Variants in ZNF407 observed in about 807,000 individuals in gnomAD.
The protein encoded by ZNF407 is zinc finger protein 407.
Under a neutral mutation model 131.2 loss-of-function variants are expected in ZNF407, and 17 were observed. The observed-to-expected ratio is 0.13, with a 90% confidence interval of 0.09 to 0.19. ZNF407 has a LOEUF of 0.19. Among genes scored for constraint, ZNF407 ranks in the 10% least tolerant of loss-of-function variants. The pLI is 1.00. For synonymous variants in ZNF407, 1,156 were observed against 1,062.0 expected, an observed-to-expected ratio of 1.09 and a Z score of -1.72; for missense variants, 2,681 against 2,830.6, an observed-to-expected ratio of 0.95 and a Z score of 1.20.
chr18:74,843,549 C>G (rs1483438562), intron 4 of ZNF407, among the ~76,000 whole-genome samples: 9 of 152,150 alleles, frequency 5.9e-5, no homozygotes, highest in Non-Finnish European at 1.2e-4. Flanking sequence ...AAAGAATTCT[C>G]TTACCTATAT....
chr18:74,696,572 TTTTCTTAGAGGTTCTG>T (rs1395512750), intron 3 of ZNF407, among the ~76,000 whole-genome samples: 1 of 152,216 alleles, frequency 6.6e-6, no homozygotes, highest in African/African-American at 2.4e-5. Flanking sequence ...TCCACGGAAC[TTTTCTTAGAGGTTCTG>T]TTTCCCAACA....
chr18:74,825,793 CTGTT>C (rs758122626), intron 4 of ZNF407, among the ~76,000 whole-genome samples: 8 of 152,120 alleles, frequency 5.3e-5, no homozygotes, highest in Non-Finnish European at 1.2e-4. Context: ...AATTTTCTGT[CTGTT>C]TGTTATATTA....
At chr18:74,655,562 C>T (rs531318224) in intron 3 of ZNF407, among the ~76,000 whole-genome samples, 1 of 152,146 alleles carries the variant, frequency 6.6e-6, no homozygotes, top group East Asian at 1.9e-4. Flanking sequence ...TGTATGATGT[C>T]TGAGTAAATG....
intron 7 of ZNF407, among the ~76,000 whole-genome samples, chr18:74,906,326 T>G (rs550537940): frequency 9.2e-5 from 14 of 152,340 alleles, no homozygotes; most frequent in Non-Finnish European, 1.8e-4. Flanking sequence ...CATTTAAACC[T>G]TTTGCTAAAT....
chr18:74,890,696 A>G (rs1157445043), intron 7 of ZNF407, among the ~76,000 whole-genome samples: 1 of 152,166 alleles, frequency 6.6e-6, no homozygotes, highest in African/African-American at 2.4e-5. Flanking sequence ...CTTTAAGGAT[A>G]TAGCATAAAA....
intron 3 of ZNF407, among the ~76,000 whole-genome samples, chr18:74,665,910 T>A (rs1985911920): frequency 6.6e-6 from 1 of 152,172 alleles, no homozygotes; most frequent in African/African-American, 2.4e-5. Flanking sequence ...GTATTTAGTT[T>A]TGAGAATCTG....
intron 3 of ZNF407, among the ~76,000 whole-genome samples, chr18:74,666,835 T>C (rs1249722475): frequency 6.6e-6 from 1 of 152,158 alleles, no homozygotes; most frequent in African/African-American, 2.4e-5. Context: ...ACTGGCTTCA[T>C]AAAGATGCTA....
At chr18:74,959,574 C>T (rs1232916563) in intron 8 of ZNF407, among the ~76,000 whole-genome samples, 1 of 152,008 alleles carries the variant, frequency 6.6e-6, no homozygotes, top group Non-Finnish European at 1.5e-5. Context: ...TTTTCTATGC[C>T]CACTTAGAGA....
At chr18:74,753,417 G>A (rs1311785887) in intron 3 of ZNF407, among the ~76,000 whole-genome samples, 1 of 152,136 alleles carries the variant, frequency 6.6e-6, no homozygotes, top group Non-Finnish European at 1.5e-5. Context: ...GTGAGAGAGG[G>A]CATCCTTGTC....
chr18:75,060,696 G>A (rs1358358166), intron 8 of ZNF407, among the ~76,000 whole-genome samples: 1 of 150,796 alleles, frequency 6.6e-6, no homozygotes, highest in Non-Finnish European at 1.5e-5. Flanking sequence ...TAGTAGAGAC[G>A]GGGTTTCACC....
intron 4 of ZNF407, among the ~76,000 whole-genome samples, chr18:74,854,822 G>T (rs1970836760): frequency 6.6e-6 from 1 of 151,776 alleles, no homozygotes; most frequent in Admixed American, 6.6e-5. Flanking sequence ...TGCCTTTGAA[G>T]TGTTCTGCGG....
At chr18:74,955,475 G>T (rs1318270478) in intron 8 of ZNF407, among the ~76,000 whole-genome samples, 1 of 152,144 alleles carries the variant, frequency 6.6e-6, no homozygotes, top group Non-Finnish European at 1.5e-5. Context: ...GAAAATAGCT[G>T]ATATATGGAG....
chr18:74,964,780 T>A (rs1972391635), intron 8 of ZNF407, among the ~76,000 whole-genome samples: 1 of 152,214 alleles, frequency 6.6e-6, no homozygotes, highest in African/African-American at 2.4e-5. Flanking sequence ...GGATTCATTT[T>A]TGTAACCAAG....
chr18:74,930,387 T>A lies in ZNF407; in HGVS notation c.5428+9695T>A, dbSNP rs546162474. 2.0e-3 allele frequency among the ~76,000 whole-genome samples: 306 copies of A among 152,312 alleles called. 1 individual carries two copies. Among genetic ancestry groups the A allele is most frequent in the Non-Finnish European group, 3.5e-3 (235 of 68,036 alleles). ...TCAGAATCCTCCAGTGGCAGCTTCCTGGTTTTACCTTTTTAATCAGTACAC... is the reference window on the plus strand; with the variant it reads ...TCAGAATCCTCCAGTGGCAGCTTCCAGGTTTTACCTTTTTAATCAGTACAC... On this transcript the variant is annotated intron_variant, in intron 8 of 8. Transcript: ENST00000299687.
At chr18:74,677,611 G>A (rs538197425) in intron 3 of ZNF407, among the ~76,000 whole-genome samples, 35 of 151,988 alleles carry the variant, frequency 2.3e-4, no homozygotes, top group African/African-American at 7.0e-4. Context: ...CATAGTTGTC[G>A]CAGAGACCTA....
chr18:74,729,185 G>A (rs1968232445), intron 3 of ZNF407, among the ~76,000 whole-genome samples: 1 of 152,192 alleles, frequency 6.6e-6, no homozygotes, highest in East Asian at 1.9e-4. Flanking sequence ...ATGAGGGGCA[G>A]GTAGTACTAT....
At chr18:74,674,063 T>C in intron 3 of ZNF407, among the ~76,000 whole-genome samples, 1 of 152,354 alleles carries the variant, frequency 6.6e-6, no homozygotes, top group South Asian at 2.1e-4. Flanking sequence ...ATTTTACGAT[T>C]ATTTTAAGTT....
intron 7 of ZNF407, among the ~76,000 whole-genome samples, chr18:74,908,550 C>CA (rs1286046158): frequency 6.6e-6 from 1 of 152,140 alleles, no homozygotes; most frequent in Non-Finnish European, 1.5e-5. Context: ...CTCCAAATGA[C>CA]ATGCATCTAT....
Position 74,961,084 on chromosome 18 carries a change from C to T in ZNF407, c.5428+40392C>T, listed in dbSNP as rs552080699. ...TGGAGGGATAGGAGAAGGTCCTGAG[C>T]GAGGACTGGGTGGAGGGATAGGAGA... On this transcript the variant is annotated intron_variant, in intron 8 of 8. Transcript: ENST00000299687. Among the ~76,000 whole-genome samples the T allele has an allele frequency of 4.5e-3, 418 of 93,392 alleles. No individual in the cohort carries two copies. The Middle Eastern group carries it at 0.052, about 12-fold the overall frequency. 61.3% of individuals were successfully genotyped at this position (93,392 alleles called of 152,430 possible). A position where few individuals can be genotyped will look rare whatever the true frequency, so the allele number is the denominator to read the frequency against.
Sources: gnomAD v4.1 joint callset for allele counts (sites outside exome capture counted in the v4.1 genomes callset) on GRCh38, gnomAD v4.1.1 for gene constraint, MANE v1.5 for transcripts, NCBI Gene and HGNC (gene_info 2026-07-23, HGNC 2026-07-21) for gene names.